Variants in ANKS1B observed in about 807,000 individuals in gnomAD.
The protein encoded by ANKS1B is ankyrin repeat and sterile alpha motif domain-containing protein 1B.
In ANKS1B, 36 loss-of-function variants were observed where a neutral mutation model predicts 148.3. The observed-to-expected ratio is 0.24, with a 90% CI of 0.19 to 0.32. The LOEUF is 0.32. Among genes scored for constraint, ANKS1B ranks in the 10% least tolerant of loss-of-function variants. The pLI, the probability that ANKS1B is intolerant of heterozygous loss-of-function variation, is 1.00. For synonymous variants in ANKS1B, 542 were observed against 560.8 expected (o/e 0.97, Z 0.47); for missense variants, 1,157 against 1,542.6 (o/e 0.75, Z 4.19).
intron 17 of ANKS1B, among the ~76,000 whole-genome samples, chr12:98,951,120 A>G (rs1376208260): frequency 6.6e-6 from 1 of 152,172 alleles, no homozygotes; most frequent in Non-Finnish European, 1.5e-5. Context: ...CAAAGGGTTT[A>G]GAACAATTGC....
chr12:99,030,146 C>G (rs187569466), intron 17 of ANKS1B, among the ~76,000 whole-genome samples: 16 of 152,200 alleles, frequency 1.1e-4, no homozygotes, highest in Non-Finnish European at 2.1e-4. Flanking sequence ...GGCAGTCTGC[C>G]TGGGCACACG....
chr12:99,812,369 T>C (rs1190056886), intron 2 of ANKS1B, 58 bp from the exon 3 acceptor site: 16 of 1,515,026 alleles, frequency 1.1e-5, no homozygotes, highest in East Asian at 6.8e-5. Flanking sequence ...CTGTATTAAA[T>C]AGGTAATTTT....
chr12:98,973,870 G>T (rs903213384), intron 17 of ANKS1B, among the ~76,000 whole-genome samples: 7 of 149,330 alleles, frequency 4.7e-5, no homozygotes, highest in Non-Finnish European at 8.8e-5. Context: ...CCTGCGATAT[G>T]TATCTATATG....
intron 8 of ANKS1B, among the ~76,000 whole-genome samples, chr12:99,694,600 A>G (rs533135495): frequency 1.3e-5 from 2 of 152,300 alleles, no homozygotes; most frequent in South Asian, 4.1e-4. Flanking sequence ...CATAAATGTA[A>G]TATCTTAAAA....
chr12:99,157,807 AAAAT>A (rs1370474765), intron 14 of ANKS1B, among the ~76,000 whole-genome samples: 8 of 152,176 alleles, frequency 5.3e-5, no homozygotes, highest in African/African-American at 1.7e-4. Context: ...TAGAGCAATA[AAAAT>A]AAATAAAATT....
intron 25 of ANKS1B, among the ~76,000 whole-genome samples, chr12:98,763,974 T>A (rs1029290793): frequency 7.2e-5 from 11 of 152,326 alleles, no homozygotes; most frequent in African/African-American, 2.6e-4. Context: ...TCCCTGTGGA[T>A]GTCATGCACT....
At chr12:99,147,247 A>G (rs1284793025) in intron 15 of ANKS1B, among the ~76,000 whole-genome samples, 3 of 152,162 alleles carry the variant, frequency 2.0e-5, no homozygotes, top group East Asian at 3.9e-4. Flanking sequence ...AGAGCTAAAA[A>G]AAGTGACAAG....
chr12:98,996,812 C>CAAAAAAAAAAA (rs1160748107), intron 17 of ANKS1B, among the ~76,000 whole-genome samples: 1 of 40,638 alleles, frequency 2.5e-5, no homozygotes, highest in Non-Finnish European at 4.3e-5. Flanking sequence ...GACTCTATCT[C>CAAAAAAAAAAA]AAAAAAAAAA....
At chr12:99,217,082 C>T (rs2084322991) in intron 14 of ANKS1B, among the ~76,000 whole-genome samples, 1 of 152,154 alleles carries the variant, frequency 6.6e-6, no homozygotes, top group Admixed American at 6.5e-5. Context: ...TTGGAGCCAA[C>T]ATATCACCTT....
At chr12:99,532,423 C>T (rs185099338) in intron 9 of ANKS1B, among the ~76,000 whole-genome samples, 59 of 152,236 alleles carry the variant, frequency 3.9e-4, no homozygotes, top group African/African-American at 1.3e-3. Flanking sequence ...TGCAGTGGCC[C>T]GATCTCGGCT....
chr12:99,277,413 T>A (rs2077814099), intron 12 of ANKS1B, among the ~76,000 whole-genome samples: 1 of 152,140 alleles, frequency 6.6e-6, no homozygotes, highest in Non-Finnish European at 1.5e-5. Flanking sequence ...AAATGGCAGC[T>A]GAGAATCCAA....
chr12:99,711,334 T>C (rs1024446082), intron 8 of ANKS1B, among the ~76,000 whole-genome samples: 2 of 152,128 alleles, frequency 1.3e-5, no homozygotes, highest in African/African-American at 4.8e-5. Context: ...AAGTTTGTTA[T>C]ATAGGTAAAT....
intron 8 of ANKS1B, among the ~76,000 whole-genome samples, chr12:99,671,856 A>AT (rs34683335): frequency 2.0e-5 from 3 of 152,050 alleles, no homozygotes; most frequent in Non-Finnish European, 4.4e-5. Flanking sequence ...CATTCAGTAA[A>AT]TTTTTTTTGG....
chr12:98,882,311 A>G (rs554357197), intron 17 of ANKS1B, among the ~76,000 whole-genome samples: 1 of 152,338 alleles, frequency 6.6e-6, no homozygotes, highest in Admixed American at 6.5e-5. Flanking sequence ...TGATACAAAG[A>G]GTAAAAACAA....
intron 12 of ANKS1B, among the ~76,000 whole-genome samples, chr12:99,373,954 T>C (rs959068481): frequency 2.0e-5 from 3 of 152,172 alleles, no homozygotes; most frequent in Non-Finnish European, 2.9e-5. Flanking sequence ...GCTTCTTTCA[T>C]TGAGAAAGTC....
chr12:99,485,657 C>G (rs533334780), intron 10 of ANKS1B, among the ~76,000 whole-genome samples: 5 of 152,208 alleles, frequency 3.3e-5, no homozygotes, highest in Admixed American at 3.3e-4. Flanking sequence ...CTCAGAAATG[C>G]CAATTATTCT....
rs143651449 is a variant in ANKS1B, at chr12:99,186,286, G to C, written c.2420-31891C>G. Among the ~76,000 whole-genome samples, 1,004 of 152,312 alleles carry C rather than the reference G, an allele frequency of 6.6e-3. 19 individuals carry two copies. Among genetic ancestry groups the C allele is most frequent in the African/African-American group, 0.023 (939 of 41,570 alleles). ...TCATCTTCCTGGGACAGAGCACCTG[G>C]AGGAAGGGGCAGCTGTGGGCACAGC... On this transcript the variant is annotated intron_variant, in intron 14 of 26. Transcript: ENST00000683438.
At chr12:99,449,892 C>CATCTATCT (rs55765630) in intron 10 of ANKS1B, among the ~76,000 whole-genome samples, 57 of 147,966 alleles carry the variant, frequency 3.9e-4, no homozygotes, top group East Asian at 1.0e-3. Flanking sequence ...AGGATCTATC[C>CATCTATCT]ATCTATCTAT....
chr12:99,368,937 A>G (rs1331034906), intron 12 of ANKS1B, among the ~76,000 whole-genome samples: 1 of 152,174 alleles, frequency 6.6e-6, no homozygotes, highest in African/African-American at 2.4e-5. Context: ...ATTATTAGAG[A>G]ATCAGAATTT....
Sources: gnomAD v4.1 joint callset for allele counts (sites outside exome capture counted in the v4.1 genomes callset) on GRCh38, gnomAD v4.1.1 for gene constraint, MANE v1.5 for transcripts, NCBI Gene and HGNC (gene_info 2026-07-23, HGNC 2026-07-21) for gene names.